MED27: variants seen among roughly 807,000 people sequenced by gnomAD.
The protein encoded by MED27 is mediator complex subunit 27.
In MED27, 30 loss-of-function variants were observed where a neutral mutation model predicts 38.2. That is an observed-to-expected ratio of 0.79 (90% CI 0.59 to 1.07). The LOEUF is 1.07. Ranked by LOEUF, MED27 falls within the 50% of genes least tolerant of loss-of-function variation. The pLI is 0.00. For missense variants in MED27, 289 were observed against 397.5 expected (o/e 0.73, Z 2.32); for synonymous variants, 122 against 153.5 (o/e 0.79, Z 1.52).
intron 4 of MED27, among the ~76,000 whole-genome samples, chr9:131,938,074 G>T (rs13293524): frequency 0.31 from 46,566 of 152,054 alleles, 7,248 homozygotes; most frequent in East Asian, 0.38. Flanking sequence ...TCACTAATTT[G>T]TTTCCCCCAC....
intron 4 of MED27, among the ~76,000 whole-genome samples, chr9:131,935,886 A>G (rs1253540109): frequency 6.6e-6 from 1 of 152,144 alleles, no homozygotes; most frequent in East Asian, 1.9e-4. Context: ...ACAGTGGCTC[A>G]TATCTGTAAT....
intron 3 of MED27, among the ~76,000 whole-genome samples, chr9:132,009,262 T>G (rs1832431047): frequency 6.6e-6 from 1 of 152,222 alleles, no homozygotes; most frequent in Admixed American, 6.5e-5. Context: ...GCTCAGCCAT[T>G]GTTCCTGTGT....
At chr9:131,924,201 A>G (rs1458066352) in intron 4 of MED27, among the ~76,000 whole-genome samples, 1 of 152,220 alleles carries the variant, frequency 6.6e-6, no homozygotes, top group Non-Finnish European at 1.5e-5. Flanking sequence ...TTAGCAAGGT[A>G]TGAGAGGGCG....
intron 2 of MED27, among the ~76,000 whole-genome samples, chr9:132,028,480 C>T (rs530306774): frequency 6.0e-5 from 9 of 151,256 alleles, no homozygotes; most frequent in Middle Eastern, 3.4e-3. Flanking sequence ...GTGCTTGGCA[C>T]ATAGCCATGG....
At chr9:131,989,835 A>G (rs1043907701) in intron 3 of MED27, among the ~76,000 whole-genome samples, 1 of 152,070 alleles carries the variant, frequency 6.6e-6, no homozygotes, top group Non-Finnish European at 1.5e-5. Flanking sequence ...ATTCGCCTAT[A>G]ACCTACAGCT....
chr9:132,023,805 AC>A (rs2131091296), intron 2 of MED27, among the ~76,000 whole-genome samples: 1 of 152,342 alleles, frequency 6.6e-6, no homozygotes, highest in Admixed American at 6.5e-5. Flanking sequence ...TGTCAGAAAA[AC>A]AAAAAAGTAT....
At chr9:131,946,101 T>C (rs1830882453) in intron 3 of MED27, among the ~76,000 whole-genome samples, 2 of 152,180 alleles carry the variant, frequency 1.3e-5, no homozygotes, top group Admixed American at 6.5e-5. Flanking sequence ...TCAGGCTGAA[T>C]GGTATTCCAC....
chr9:132,079,293 T>C (rs1834121665), intron 1 of MED27, among the ~76,000 whole-genome samples: 1 of 151,994 alleles, frequency 6.6e-6, no homozygotes. Flanking sequence ...TACATTCGGA[T>C]CAGACGTGAT....
chr9:131,907,946 T>A, intron 4 of MED27, among the ~76,000 whole-genome samples: 1 of 140,126 alleles, frequency 7.1e-6, no homozygotes, highest in Non-Finnish European at 1.5e-5. Flanking sequence ...TCTGCCCGGC[T>A]GCCCCATCTG....
rs773702459 is a variant in MED27, at chr9:132,079,862, A to G, written c.-18T>C. 6.4e-7 allele frequency: 1 copy of G among 1,559,782 alleles called. No homozygotes were observed. On this transcript the variant is annotated 5_prime_UTR_variant, in exon 1 of 8. Transcript: ENST00000292035. ...TCCGCCATGTTGCCGCCGCCACAGCAGCTCTCCAAAGCCGGCTTCGCAAGC... is the reference window on the plus strand; with the variant it reads ...TCCGCCATGTTGCCGCCGCCACAGCGGCTCTCCAAAGCCGGCTTCGCAAGC...
At chr9:131,869,506 C>T in intron 6 of MED27, 2 of 794,854 alleles carry the variant, frequency 2.5e-6, no homozygotes, top group South Asian at 1.1e-4. Flanking sequence ...AAAAGCCGCC[C>T]TCCCCCTTGG....
intron 3 of MED27, among the ~76,000 whole-genome samples, chr9:131,960,401 GGT>G (rs956756958): frequency 2.0e-5 from 3 of 152,032 alleles, no homozygotes; most frequent in Non-Finnish European, 4.4e-5. Flanking sequence ...TGTGAAGTGG[GGT>G]GTGTGTGTGC....
intron 2 of MED27, among the ~76,000 whole-genome samples, chr9:132,033,346 T>G (rs1183299226): frequency 6.6e-6 from 1 of 152,242 alleles, no homozygotes; most frequent in Non-Finnish European, 1.5e-5. Context: ...AGAAACTGCT[T>G]TTCTTTTCAC....
chr9:131,860,762 C>T lies in MED27; in HGVS notation c.802-90G>A. The T allele has an allele frequency of 6.8e-7, 1 of 1,469,890 alleles. No homozygotes were observed. The highest frequency in any genetic ancestry group is 9.2e-7 in the Non-Finnish European group (1 of 1,082,058). The allele number at this position is 1,469,890 out of a possible 1,614,324, so 91.1% of individuals were successfully genotyped here. On this transcript the variant is annotated intron_variant, in intron 7 of 7. Transcript: ENST00000292035. This position sits in a 1 kb window ranked among gnomAD's most constrained non-coding sequence, Gnocchi z 5.8. ...CTATCAAGCCTAATGGCCCAGACAA[C>T]TTAAGTTGGCTTTGGCCCCAGAAGA...
chr9:131,948,219 T>A (rs1830919319), intron 3 of MED27, among the ~76,000 whole-genome samples: 1 of 152,144 alleles, frequency 6.6e-6, no homozygotes, highest in Admixed American at 6.5e-5. Flanking sequence ...GTACAGTGGT[T>A]CACGCCTGTA....
intron 3 of MED27, among the ~76,000 whole-genome samples, chr9:131,965,463 G>A (rs1487437623): frequency 1.3e-5 from 2 of 152,252 alleles, no homozygotes; most frequent in Non-Finnish European, 2.9e-5. Context: ...GAACCTTCCT[G>A]TAACAGGTTA....
At chr9:132,000,702 T>C (rs114190579) in intron 3 of MED27, among the ~76,000 whole-genome samples, 1 of 152,002 alleles carries the variant, frequency 6.6e-6, no homozygotes. Context: ...ACAATATGGA[T>C]GAATCTCAAA....
At chr9:132,020,672 T>C (rs1459823252) in intron 2 of MED27, among the ~76,000 whole-genome samples, 1 of 152,210 alleles carries the variant, frequency 6.6e-6, no homozygotes, top group Non-Finnish European at 1.5e-5. Context: ...GGTTCTTCTT[T>C]TGAACATAAC....
intron 2 of MED27, among the ~76,000 whole-genome samples, chr9:132,047,736 T>C (rs1298600633): frequency 3.3e-5 from 5 of 152,162 alleles, no homozygotes; most frequent in Non-Finnish European, 2.9e-5. Context: ...TATACAGTTT[T>C]TAAAATCCAA....
Sources: allele counts gnomAD v4.1 joint callset (sites outside exome capture counted in the v4.1 genomes callset), GRCh38; gene constraint gnomAD v4.1.1; non-coding constraint Gnocchi (gnomAD v3.1); transcripts MANE v1.5; gene names NCBI Gene and HGNC (gene_info 2026-07-23, HGNC 2026-07-21).